FNDC3B: variants seen among roughly 807,000 people sequenced by gnomAD.
The protein encoded by FNDC3B is fibronectin type III domain containing 3B.
A neutral mutation model predicts 151.5 loss-of-function variants in FNDC3B; 12 were observed. The ratio of observed to expected loss-of-function variants is 0.08; its 90% CI spans 0.05 to 0.13. FNDC3B has a LOEUF of 0.13. Among genes scored for constraint, FNDC3B ranks in the 10% least tolerant of loss-of-function variants. FNDC3B has a pLI of 1.00. For synonymous variants in FNDC3B, 528 were observed against 549.0 expected (o/e 0.96, Z 0.54); for missense variants, 1,214 against 1,505.3 (o/e 0.81, Z 3.20).
At chr3:172,396,215 T>C (rs547013256) in intron 25 of FNDC3B, among the ~76,000 whole-genome samples, 9 of 152,348 alleles carry the variant, frequency 5.9e-5, no homozygotes, top group African/African-American at 1.9e-4. Context: ...AATAGCTCGA[T>C]AACATGAGTG....
intron 3 of FNDC3B, among the ~76,000 whole-genome samples, chr3:172,167,850 T>C (rs535918345): frequency 2.0e-5 from 3 of 152,196 alleles, no homozygotes; most frequent in Non-Finnish European, 4.4e-5. Context: ...TAATGCCTGA[T>C]AATCTGAGGT....
chr3:172,089,734 T>TTC (rs1222899389), intron 1 of FNDC3B, among the ~76,000 whole-genome samples: 27 of 152,174 alleles, frequency 1.8e-4, no homozygotes, highest in African/African-American at 6.5e-4. Context: ...GGTTTGAAAA[T>TTC]CTCAGTGTCG....
At position 172,191,986 on chromosome 3, in the gene FNDC3B, T is replaced by C. The variant is rs547238351; in HGVS notation, c.188-34885T>C. On this transcript the variant is annotated intron_variant, in intron 3 of 25. Transcript: ENST00000415807. ...AAGTGTGGTCGGGGTGGTACATGTATGTGGTACATATGTTACCAGACCTAT... is the reference window on the plus strand; with the variant it reads ...AAGTGTGGTCGGGGTGGTACATGTACGTGGTACATATGTTACCAGACCTAT... 6.6e-5 allele frequency among the ~76,000 whole-genome samples: 10 copies of C among 152,208 alleles called. No individual in the cohort carries two copies. In the South Asian group the frequency reaches 1.9e-3, roughly 28 times the overall value.
intron 1 of FNDC3B, among the ~76,000 whole-genome samples, chr3:172,093,416 A>G (rs951198719): frequency 1.3e-5 from 2 of 151,646 alleles, no homozygotes; most frequent in East Asian, 1.9e-4. Context: ...CCGCCACCGC[A>G]CCCGGCTAAT....
intron 4 of FNDC3B, among the ~76,000 whole-genome samples, chr3:172,241,141 A>G (rs982686835): frequency 6.6e-6 from 1 of 151,776 alleles, no homozygotes; most frequent in African/African-American, 2.4e-5. Flanking sequence ...ACTTTTTAAA[A>G]GAGAGTTTTT....
At chr3:172,396,213 G>A (rs1576977206) in intron 25 of FNDC3B, among the ~76,000 whole-genome samples, 1 of 152,186 alleles carries the variant, frequency 6.6e-6, no homozygotes, top group Non-Finnish European at 1.5e-5. Flanking sequence ...CGAATAGCTC[G>A]ATAACATGAG....
chr3:172,183,560 G>A (rs748945674), intron 3 of FNDC3B, among the ~76,000 whole-genome samples: 12 of 152,236 alleles, frequency 7.9e-5, no homozygotes, highest in African/African-American at 9.6e-5. Flanking sequence ...AATTCAATCC[G>A]TTTTGTCTTC....
chr3:172,344,098 C>G lies in FNDC3B; in HGVS notation c.2090C>G (p.Ser697Trp). ...TCTTCATTCCCAGATGTTCCTGCAT[C>G]GGAAAGTGGCTGTGAGGTCTCAGAG... The part of the protein sequence containing the change: ...EVHLEWDVPA[S>W]ESGCEVSEYS... Residue 697 changes from serine (S) to tryptophan (W), a missense_variant, in exon 19 of 26, where the codon TCG (serine) becomes TGG (tryptophan). Transcript: ENST00000415807. The G allele has an allele frequency of 6.2e-7, 1 of 1,609,906 alleles. No homozygotes were observed. The highest frequency in any genetic ancestry group is 8.5e-7 in the Non-Finnish European group (1 of 1,178,232).
At chr3:172,333,225 C>T in intron 14 of FNDC3B, 50 bp downstream of exon 14, 1 of 1,152,694 alleles carries the variant, frequency 8.7e-7, no homozygotes, top group African/African-American at 1.5e-5. Flanking sequence ...AAACTGTTTT[C>T]TATTTCACCA....
At chr3:172,374,404 T>C (rs371366325) in intron 23 of FNDC3B, among the ~76,000 whole-genome samples, 54 of 152,336 alleles carry the variant, frequency 3.5e-4, no homozygotes, top group African/African-American at 1.3e-3. Context: ...TTACTTATTT[T>C]ATTTATTATT....
At chr3:172,356,740 G>A (rs886428401) in intron 22 of FNDC3B, among the ~76,000 whole-genome samples, 34 of 152,058 alleles carry the variant, frequency 2.2e-4, no homozygotes, top group African/African-American at 7.7e-4. Context: ...CTATTATTTC[G>A]TACTTAAGAC....
At chr3:172,153,536 G>A (rs1285824711) in intron 3 of FNDC3B, among the ~76,000 whole-genome samples, 1 of 152,242 alleles carries the variant, frequency 6.6e-6, no homozygotes, top group African/African-American at 2.4e-5. Flanking sequence ...TGAGGAAGGA[G>A]CAGGCTGGGG....
At chr3:172,248,576 G>A (rs891591702) in intron 5 of FNDC3B, among the ~76,000 whole-genome samples, 6 of 151,864 alleles carry the variant, frequency 4.0e-5, no homozygotes, top group African/African-American at 9.7e-5. Context: ...ATGAATGGAA[G>A]CATTTTACTG....
At chr3:172,367,450 G>A (rs1734687257) in intron 23 of FNDC3B, among the ~76,000 whole-genome samples, 1 of 152,166 alleles carries the variant, frequency 6.6e-6, no homozygotes, top group African/African-American at 2.4e-5. Context: ...GAGTGATTAA[G>A]TCTATTATTC....
At chr3:172,163,727 G>C (rs183810616) in intron 3 of FNDC3B, among the ~76,000 whole-genome samples, 1 of 152,196 alleles carries the variant, frequency 6.6e-6, no homozygotes, top group East Asian at 1.9e-4. Context: ...CCTTTAGGTT[G>C]GTTCTGATAT....
intron 20 of FNDC3B, 64 bp from the exon 21 acceptor site, chr3:172,347,148 T>C (rs1733651452): frequency 7.0e-7 from 1 of 1,433,066 alleles, no homozygotes; most frequent in East Asian, 2.3e-5. Flanking sequence ...GTTAATTGAA[T>C]ACAAGCACAG....
At chr3:172,300,601 A>G (rs995025309) in intron 9 of FNDC3B, among the ~76,000 whole-genome samples, 4 of 152,180 alleles carry the variant, frequency 2.6e-5, no homozygotes, top group Admixed American at 6.5e-5. Flanking sequence ...AAGGAACAGG[A>G]TGGGAGCATG....
At chr3:172,069,383 C>T (rs576908648) in intron 1 of FNDC3B, among the ~76,000 whole-genome samples, 38 of 152,288 alleles carry the variant, frequency 2.5e-4, no homozygotes, top group African/African-American at 7.2e-4. Context: ...GCTGCTTTTA[C>T]GTGGCTAGAG....
chr3:172,341,878 A>G (rs1254569192), intron 17 of FNDC3B, among the ~76,000 whole-genome samples: 1 of 152,238 alleles, frequency 6.6e-6, no homozygotes, highest in Admixed American at 6.5e-5. Flanking sequence ...GGCGCAAAAC[A>G]ACCTAATAAA....
Sources: gnomAD v4.1 joint callset for allele counts (sites outside exome capture counted in the v4.1 genomes callset) on GRCh38, gnomAD v4.1.1 for gene constraint, MANE v1.5 for transcripts, NCBI Gene and HGNC (gene_info 2026-07-23, HGNC 2026-07-21) for gene names.